NDUFAF6: variants seen among roughly 807,000 people sequenced by gnomAD.
The protein encoded by NDUFAF6 is NADH dehydrogenase (ubiquinone) complex I, assembly factor 6.
Under a neutral mutation model 40.8 loss-of-function variants are expected in NDUFAF6, and 45 were observed. The ratio of observed to expected loss-of-function variants is 1.10; its 90% CI spans 0.87 to 1.42. The LOEUF is 1.42. Among genes scored for constraint, NDUFAF6 ranks in the 40% most tolerant of loss-of-function variants. The pLI, the probability that NDUFAF6 is intolerant of heterozygous loss-of-function variation, is 0.00. For missense variants in NDUFAF6, 435 were observed against 418.5 expected, an observed-to-expected ratio of 1.04 and a Z score of -0.34; for synonymous variants, 185 against 155.9, an observed-to-expected ratio of 1.19 and a Z score of -1.39.
At chr8:94,903,982 C>T (rs568763978) in intron 1 of NDUFAF6, among the ~76,000 whole-genome samples, 3 of 152,186 alleles carry the variant, frequency 2.0e-5, no homozygotes, top group African/African-American at 7.2e-5. Flanking sequence ...CTCTGACCTG[C>T]CCCTGGCTCC....
At chr8:94,960,223 G>A (rs1263313166) in intron 1 of NDUFAF6, among the ~76,000 whole-genome samples, 2 of 152,158 alleles carry the variant, frequency 1.3e-5, no homozygotes, top group South Asian at 4.1e-4. Flanking sequence ...CATTGAAGAC[G>A]CGCAACTCAT....
At chr8:95,053,352 A>G (rs941455034) in intron 8 of NDUFAF6, among the ~76,000 whole-genome samples, 1 of 152,168 alleles carries the variant, frequency 6.6e-6, no homozygotes, top group Non-Finnish European at 1.5e-5. Context: ...GTGTATGTCA[A>G]CATGTTATTC....
chr8:95,061,103 G>C (rs550513410), downstream of NDUFAF6, among the ~76,000 whole-genome samples: 1 of 152,102 alleles, frequency 6.6e-6, no homozygotes, highest in Non-Finnish European at 1.5e-5. Flanking sequence ...TGTGTACAAA[G>C]GCCAGGAAAC....
Position 95,032,062 on chromosome 8 carries a change from G to A in NDUFAF6, c.265G>A (p.Ala89Thr), listed in dbSNP as rs748882933. 6.2e-7 allele frequency: 1 copy of A among 1,614,084 alleles called. No homozygotes were observed. Among genetic ancestry groups the A allele is most frequent in the Non-Finnish European group, 8.5e-7 (1 of 1,179,998 alleles). ...LPAESRSSVF[A>T]LRAFNVELAQ... ...TGCAGAATCCCGAAGCTCTGTTTTT[G>A]CACTGAGGGCCTTTAATGTGGAACT... Residue 89 changes from alanine (A) to threonine (T), a missense_variant, in exon 2 of 9, where the codon GCA becomes ACA. By Grantham distance (58) the Ala-to-Thr change is moderately conservative. Transcript: ENST00000396124.
chr8:95,108,808 A>G (rs1348405033), intron 4 of NDUFAF6, among the ~76,000 whole-genome samples: 1 of 152,174 alleles, frequency 6.6e-6, no homozygotes, highest in East Asian at 1.9e-4. Context: ...TAAATGTAGA[A>G]TTACAATTTT....
intron 1 of NDUFAF6, chr8:94,932,128 A>C: frequency 6.2e-7 from 1 of 1,605,188 alleles, no homozygotes; most frequent in Non-Finnish European, 8.5e-7. Context: ...TAAATGGTGA[A>C]CTATTAAATC....
At chr8:94,902,076 G>A (rs939339470) in intron 1 of NDUFAF6, among the ~76,000 whole-genome samples, 1 of 151,856 alleles carries the variant, frequency 6.6e-6, no homozygotes, top group Non-Finnish European at 1.5e-5. Context: ...GGAGATATCA[G>A]TACATGTCTC....
chr8:95,097,891 A>G (rs1391430432), upstream of NDUFAF6, among the ~76,000 whole-genome samples: 1 of 152,194 alleles, frequency 6.6e-6, no homozygotes, highest in Non-Finnish European at 1.5e-5. Context: ...ATCTGTGGCT[A>G]GTGAGAGATC....
At chr8:94,994,839 A>G (rs997604778) in intron 2 of NDUFAF6, among the ~76,000 whole-genome samples, 12 of 152,138 alleles carry the variant, frequency 7.9e-5, no homozygotes, top group Admixed American at 2.0e-4. Context: ...AACCAAACCA[A>G]ACCAAACCAA....
chr8:95,011,158 G>A (rs1484240619), intron 2 of NDUFAF6, among the ~76,000 whole-genome samples: 1 of 152,208 alleles, frequency 6.6e-6, no homozygotes, highest in Non-Finnish European at 1.5e-5. Context: ...TGTGTCGTGG[G>A]AGCATCAGAG....
chr8:95,040,073 G>A (rs1375407256), intron 3 of NDUFAF6, among the ~76,000 whole-genome samples: 1 of 152,148 alleles, frequency 6.6e-6, no homozygotes, highest in Non-Finnish European at 1.5e-5. Context: ...CTTGGGTCAT[G>A]TACTTAATTG....
intron 1 of NDUFAF6, among the ~76,000 whole-genome samples, chr8:94,904,014 G>A (rs1479567302): frequency 2.6e-5 from 4 of 152,110 alleles, no homozygotes; most frequent in Admixed American, 6.5e-5. Flanking sequence ...ATAACTTCCA[G>A]GCCTTCTTTC....
At chr8:95,114,360 G>A (rs1322016688) in intron 4 of NDUFAF6, among the ~76,000 whole-genome samples, 1 of 152,146 alleles carries the variant, frequency 6.6e-6, no homozygotes, top group Non-Finnish European at 1.5e-5. Flanking sequence ...TGTGAGGGAG[G>A]CCCACAGGAC....
chr8:95,058,277 C>A lies in NDUFAF6; in HGVS notation c.*340C>A. ...GAGAAGGAATGTCATTCTCCCTTCA[C>A]CACTGGGGAAGGAAAGGGGAAAGGG... On this transcript the variant is annotated 3_prime_UTR_variant, in exon 9 of 9. Transcript: ENST00000396124. The A allele has an allele frequency of 1.5e-6, 2 of 1,290,388 alleles. No homozygotes were observed. Among genetic ancestry groups the A allele is most frequent in the Non-Finnish European group, 9.8e-7 (1 of 1,023,270 alleles). The allele number at this position is 1,290,388 out of a possible 1,614,324, so 79.9% of individuals were successfully genotyped here. A position where few individuals can be genotyped will look rare whatever the true frequency, so the allele number is the denominator to read the frequency against.
intron 1 of NDUFAF6, among the ~76,000 whole-genome samples, chr8:94,941,983 A>C (rs1270215153): frequency 6.6e-6 from 1 of 152,012 alleles, no homozygotes; most frequent in African/African-American, 2.4e-5. Context: ...CTTTCTCAGG[A>C]AGCAGCAGCA....
chr8:95,077,477 G>A (rs1181811767), downstream of NDUFAF6, among the ~76,000 whole-genome samples: 2 of 152,204 alleles, frequency 1.3e-5, no homozygotes, highest in African/African-American at 2.4e-5. Context: ...CGTCTACAAC[G>A]TGGAGATGCT....
At chr8:95,007,239 A>G (rs958404683) in intron 2 of NDUFAF6, among the ~76,000 whole-genome samples, 3 of 152,188 alleles carry the variant, frequency 2.0e-5, no homozygotes, top group African/African-American at 7.2e-5. Context: ...TTAAAATGAT[A>G]AAATAAGGTT....
At chr8:95,082,296 A>G (rs560091762) in intron 2 of NDUFAF6, among the ~76,000 whole-genome samples, 2 of 152,106 alleles carry the variant, frequency 1.3e-5, no homozygotes, top group Non-Finnish European at 2.9e-5. Context: ...GGGCAACATG[A>G]CGAGACCCTG....
chr8:95,083,726 A>C (rs73697067), intron 2 of NDUFAF6, among the ~76,000 whole-genome samples: 9,348 of 152,284 alleles, frequency 0.061, 900 homozygotes, highest in African/African-American at 0.21. Flanking sequence ...CTACTACCAC[A>C]GTCTCAAAGT....
Sources: gnomAD v4.1 joint callset for allele counts (sites outside exome capture counted in the v4.1 genomes callset) on GRCh38, gnomAD v4.1.1 for gene constraint, MANE v1.5 for transcripts, NCBI Gene and HGNC (gene_info 2026-07-23, HGNC 2026-07-21) for gene names.